LRRFIP1: variants seen among roughly 807,000 people sequenced by gnomAD.
LRRFIP1 encodes the protein LRR binding FLII interacting protein 1, also known as leucine-rich repeat flightless-interacting protein 1.
A neutral mutation model predicts 104.4 loss-of-function variants in LRRFIP1; 62 were observed. That is an observed-to-expected ratio of 0.59 (90% CI 0.48 to 0.73). LRRFIP1 has a LOEUF of 0.73. Among genes scored for constraint, LRRFIP1 ranks in the 30% least tolerant of loss-of-function variants. The pLI is 0.00. For missense variants in LRRFIP1, 796 were observed against 824.5 expected, an observed-to-expected ratio of 0.97 and a Z score of 0.42; for synonymous variants, 300 against 299.0, an observed-to-expected ratio of 1.00 and a Z score of -0.03.
At chr2:237,653,924 G>C (rs938216318) in intron 1 of LRRFIP1, among the ~76,000 whole-genome samples, 1 of 152,164 alleles carries the variant, frequency 6.6e-6, no homozygotes, top group Admixed American at 6.5e-5. Context: ...TAAGGCGAAA[G>C]CTCCATGATA....
At chr2:237,748,462 A>T in intron 12 of LRRFIP1, 63 bp downstream of exon 12, 1 of 1,433,914 alleles carries the variant, frequency 7.0e-7, no homozygotes, top group Non-Finnish European at 9.6e-7. Context: ...ATAAGAAAAT[A>T]TGTTGCTTGG....
At chr2:237,663,136 C>T (rs950524690) in intron 1 of LRRFIP1, among the ~76,000 whole-genome samples, 2 of 152,170 alleles carry the variant, frequency 1.3e-5, no homozygotes, top group Non-Finnish European at 1.5e-5. Context: ...CTGAGCAAGG[C>T]CAAGAACCCA....
chr2:237,684,707 G>A (rs6431557), intron 1 of LRRFIP1, among the ~76,000 whole-genome samples: 119,976 of 152,036 alleles, frequency 0.79, 47,431 homozygotes, highest in Middle Eastern at 0.86. Flanking sequence ...GTTTGTGCCT[G>A]TAAGACTGAG....
intron 8 of LRRFIP1, chr2:237,729,757 G>A (rs1325448999): frequency 7.1e-6 from 7 of 982,452 alleles, no homozygotes; most frequent in East Asian, 2.3e-4. Flanking sequence ...TCACTTAAAC[G>A]TGTTTTCTTC....
chr2:237,642,961 T>G (rs1425838719), intron 1 of LRRFIP1, among the ~76,000 whole-genome samples: 1 of 152,182 alleles, frequency 6.6e-6, no homozygotes, highest in Non-Finnish European at 1.5e-5. Context: ...TTTTACCACC[T>G]CCTCTATAAG....
intron 1 of LRRFIP1, among the ~76,000 whole-genome samples, chr2:237,637,378 G>T (rs1458189317): frequency 6.6e-6 from 1 of 152,170 alleles, no homozygotes; most frequent in East Asian, 1.9e-4. Flanking sequence ...TGAGGCAGGA[G>T]AATTGCTTGA....
intron 1 of LRRFIP1, among the ~76,000 whole-genome samples, chr2:237,644,238 A>G (rs2084507117): frequency 6.6e-6 from 1 of 152,248 alleles, no homozygotes; most frequent in African/African-American, 2.4e-5. Flanking sequence ...CTCCCTAAAA[A>G]GGCAATCATT....
chr2:237,661,067 T>C lies in LRRFIP1; in HGVS notation c.96+33327T>C, dbSNP rs1022626385. 5.9e-5 allele frequency among the ~76,000 whole-genome samples: 9 copies of C among 152,062 alleles called. No homozygotes were observed. Among genetic ancestry groups the C allele is most frequent in the Non-Finnish European group, 1.0e-4 (7 of 68,008 alleles). ...TGCCCCGAGAAACTAACATGCCATC[T>C]CTGCTCTCCCACCGCTTCCTGGGTT... On this transcript the variant is annotated intron_variant, in intron 1 of 23. Transcript: ENST00000308482. The surrounding 1 kb of genome is among the most constrained non-coding windows in gnomAD (Gnocchi z 4.4).
At chr2:237,693,478 G>A (rs1028136426) in intron 1 of LRRFIP1, among the ~76,000 whole-genome samples, 1 of 152,200 alleles carries the variant, frequency 6.6e-6, no homozygotes, top group African/African-American at 2.4e-5. Flanking sequence ...TCAGATGGTT[G>A]CTGTTTTTTA....
intron 1 of LRRFIP1, among the ~76,000 whole-genome samples, chr2:237,631,319 G>T (rs1469844922): frequency 1.3e-5 from 2 of 152,236 alleles, no homozygotes; most frequent in Non-Finnish European, 2.9e-5. Flanking sequence ...TGCAGGCAGG[G>T]CTTTGCACTC....
chr2:237,683,510 T>C (rs1279834943), intron 1 of LRRFIP1: 4 of 152,238 alleles, frequency 2.6e-5, no homozygotes, highest in African/African-American at 7.2e-5. Context: ...GGCTTGTATG[T>C]TCTATGTCCA....
In LRRFIP1 at chr2:237,780,859, A is replaced by G. The variant is rs2061417582; in HGVS notation, c.*1327A>G. On this transcript the variant is annotated 3_prime_UTR_variant, in exon 24 of 24. Transcript: ENST00000308482. ...TGAAATCTCTATTAAAATACACAAG[A>G]TTTTTGTATCTCCTTGTGCAGAGGA... Among the ~76,000 whole-genome samples the G allele has an allele frequency of 1.3e-5, 2 of 152,184 alleles. No individual in the cohort carries two copies. Among genetic ancestry groups the G allele is most frequent in the Non-Finnish European group, 2.9e-5 (2 of 68,024 alleles).
chr2:237,751,483 C>T (rs1043147234), intron 14 of LRRFIP1, among the ~76,000 whole-genome samples: 4 of 152,176 alleles, frequency 2.6e-5, no homozygotes, highest in South Asian at 4.1e-4. Context: ...ATGTAACTGC[C>T]CAGTAGAAAA....
chr2:237,777,134 C>A (rs1301302797), intron 23 of LRRFIP1, among the ~76,000 whole-genome samples: 1 of 152,196 alleles, frequency 6.6e-6, no homozygotes, highest in African/African-American at 2.4e-5. Flanking sequence ...GGCATGCACA[C>A]CCTCACACAT....
chr2:237,748,472 G>GT (rs1275415878), intron 12 of LRRFIP1, 73 bp downstream of exon 12: 123 of 1,381,464 alleles, frequency 8.9e-5, no homozygotes, highest in East Asian at 2.8e-4. Flanking sequence ...ATGTTGCTTG[G>GT]TTTTTTTTAA....
rs957379713 is a variant in LRRFIP1, at chr2:237,766,001, G to T, written c.1460-3942G>T. 2 of 847,622 alleles carry T rather than the reference G, an allele frequency of 2.4e-6. No individual in the cohort carries two copies. Among genetic ancestry groups the T allele is most frequent in the African/African-American group, 3.7e-5 (2 of 54,210 alleles). 52.5% of individuals were successfully genotyped at this position (847,622 alleles called of 1,614,324 possible). ...ACCACCTTTGAGTAATATCTGCTTG[G>T]GGGTTGCTGATTCCTATTGGGGTTC... On this transcript the variant is annotated intron_variant, in intron 19 of 23. Coordinates refer to ENST00000308482, the MANE Select transcript of LRRFIP1 (RefSeq NM_001137550.2). The surrounding 1 kb of genome is among the most constrained non-coding windows in gnomAD (Gnocchi z 4.8).
chr2:237,692,092 T>C (rs1406003643), intron 1 of LRRFIP1: 1 of 486,596 alleles, frequency 2.1e-6, no homozygotes, highest in Non-Finnish European at 2.3e-6. Flanking sequence ...GGGCGAGTCA[T>C]GGGGCGGGGA....
At chr2:237,694,449 TG>T (rs1321716618) in intron 1 of LRRFIP1, among the ~76,000 whole-genome samples, 1 of 149,782 alleles carries the variant, frequency 6.7e-6, no homozygotes. Flanking sequence ...TGCTGAGTGG[TG>T]ATGGGAATTG....
rs1391646008 is a variant in LRRFIP1, at chr2:237,649,756, GT to G, written c.96+22018del. 1.3e-5 allele frequency among the ~76,000 whole-genome samples: 2 copies of G among 151,918 alleles called. No individual in the cohort carries two copies. Among genetic ancestry groups the G allele is most frequent in the Non-Finnish European group, 2.9e-5 (2 of 67,958 alleles). On this transcript the variant is annotated intron_variant, in intron 1 of 23. Transcript: ENST00000308482. The surrounding 1 kb of genome is among the most constrained non-coding windows in gnomAD (Gnocchi z 4.1). ...GTTCGGAAGCTCCACGGGGGCCAGT[GT>G]TGTTCAGGCCTCACCAGTCCTTGGT...
Sources: gnomAD v4.1 joint callset for allele counts (sites outside exome capture counted in the v4.1 genomes callset) on GRCh38, gnomAD v4.1.1 for gene constraint, Gnocchi (gnomAD v3.1) non-coding constraint, MANE v1.5 for transcripts, NCBI Gene and HGNC (gene_info 2026-07-23, HGNC 2026-07-21) for gene names.